Variants in ITIH5 observed in about 807,000 individuals in gnomAD.
ITIH5 encodes inter-alpha-trypsin inhibitor heavy chain 5, also known as inter-alpha-trypsin inhibitor heavy chain H5.
In ITIH5, 65 loss-of-function variants were observed where a neutral mutation model predicts 77.5. The ratio of observed to expected loss-of-function variants is 0.84; its 90% confidence interval spans 0.69 to 1.03. The LOEUF (loss-of-function observed/expected upper bound fraction) is 1.03. ITIH5 is among the 50% of genes least tolerant of loss of function. ITIH5 has a pLI of 0.00. For missense variants in ITIH5, 1,208 were observed against 1,213.1 expected, an observed-to-expected ratio of 1.00 and a Z score of 0.06; for synonymous variants, 525 against 494.3, an observed-to-expected ratio of 1.06 and a Z score of -0.82.
rs747038918 is a variant in ITIH5, at chr10:7,576,738, C to T, written c.1693G>A (p.Asp565Asn). 9.3e-6 allele frequency: 15 copies of T among 1,613,818 alleles called. No individual in the cohort carries two copies. In the East Asian group the frequency reaches 1.1e-4, roughly 12 times the overall value. ...ATGTGGTTGGTGTCCCCCTCTCCAT[C>T]GCCTCCAGGCCTGGGGCTTCCTGTG... Reference protein sequence around the residue: ...DVTGSPRPGGDGEGDTNHIER... With the variant: ...DVTGSPRPGGNGEGDTNHIER... Residue 565 changes from aspartate (D) to asparagine (N), a missense_variant, in exon 10 of 14, where the codon GAT (aspartate) becomes AAT (asparagine). Asp to Asn is a conservative substitution (Grantham distance 23). Coordinates refer to ENST00000397146, the MANE Select transcript of ITIH5 (RefSeq NM_030569.7).
intron 2 of ITIH5, among the ~76,000 whole-genome samples, chr10:7,652,979 A>C (rs752483037): frequency 9.2e-5 from 14 of 152,198 alleles, no homozygotes; most frequent in Non-Finnish European, 1.9e-4. Context: ...GTTATGGAGA[A>C]TGGTTTGAGC....
intron 5 of ITIH5, chr10:7,622,203 G>C (rs950901552): frequency 6.6e-6 from 1 of 152,292 alleles, no homozygotes. Flanking sequence ...GACTCCCAGG[G>C]GGCTCTCTTC....
At chr10:7,644,672 TCA>T (rs1833962911) in intron 2 of ITIH5, among the ~76,000 whole-genome samples, 43 of 138,606 alleles carry the variant, frequency 3.1e-4, no homozygotes, top group South Asian at 4.5e-4. Context: ...ATCATATATA[TCA>T]CATATATATC....
At position 7,573,127 on chromosome 10, in the gene ITIH5, C is replaced by T; in HGVS notation, c.2032+15G>A. 6.2e-7 allele frequency: 1 copy of T among 1,611,292 alleles called. No individual in the cohort carries two copies. The highest frequency in any genetic ancestry group is 8.5e-7 in the Non-Finnish European group (1 of 1,177,460). ...CTTACTCTCAATCCACACACAACCG[C>T]ATCCTTTGCTTTACCTGATGTTTTA... On this transcript the variant is annotated intron_variant, in intron 11 of 13. Coordinates refer to ENST00000397146, the MANE Select transcript of ITIH5 (RefSeq NM_030569.7).
intron 7 of ITIH5, chr10:7,609,377 CA>C (rs1437462835): frequency 2.2e-6 from 1 of 449,390 alleles, no homozygotes; most frequent in South Asian, 1.6e-5. Flanking sequence ...AATGATCAAA[CA>C]CAAGATGTTC....
At chr10:7,654,750 T>C (rs756638387) in intron 2 of ITIH5, among the ~76,000 whole-genome samples, 5 of 152,216 alleles carry the variant, frequency 3.3e-5, no homozygotes, top group Non-Finnish European at 7.3e-5. Context: ...ATCCATGAAA[T>C]GGTAACAAAC....
At chr10:7,603,402 C>T (rs1442617611) in intron 7 of ITIH5, among the ~76,000 whole-genome samples, 1 of 152,046 alleles carries the variant, frequency 6.6e-6, no homozygotes, top group East Asian at 1.9e-4. Context: ...AAGGGGTGAA[C>T]AAGCAATGAC....
At chr10:7,634,502 T>G (rs1408213833) in intron 5 of ITIH5, among the ~76,000 whole-genome samples, 1 of 152,180 alleles carries the variant, frequency 6.6e-6, no homozygotes, top group Non-Finnish European at 1.5e-5. Flanking sequence ...TACAAGGAGC[T>G]AAGAAAACAA....
rs1832025699 is a variant in ITIH5, at chr10:7,560,718, T to A, written c.*2365A>T. On this transcript the variant is annotated 3_prime_UTR_variant, in exon 14 of 14. Transcript: ENST00000397146. Reference sequence around the variant, plus strand: ...CAAGGAGATTTATCTCCTCTAATTATGACATATTTCTTCATCTCATTCAAT... The same window carrying A: ...CAAGGAGATTTATCTCCTCTAATTAAGACATATTTCTTCATCTCATTCAAT... The A allele has an allele frequency of 6.6e-6, 1 of 152,188 alleles. No homozygotes were observed. Among genetic ancestry groups the A allele is most frequent in the Non-Finnish European group, 1.5e-5 (1 of 68,032 alleles). The allele number at this position is 152,188 out of a possible 1,614,324, so 9.4% of individuals were successfully genotyped here.
intron 10 of ITIH5, among the ~76,000 whole-genome samples, chr10:7,574,789 T>C (rs1832373688): frequency 1.2e-5 from 1 of 80,354 alleles, no homozygotes; most frequent in Admixed American, 1.6e-4. Context: ...CGAGACTCCA[T>C]CTCGGAAAAA....
At chr10:7,607,158 C>A (rs143819456) in intron 7 of ITIH5, among the ~76,000 whole-genome samples, 9 of 152,358 alleles carry the variant, frequency 5.9e-5, no homozygotes, top group Non-Finnish European at 1.2e-4. Flanking sequence ...AACTCAAGGT[C>A]ATTTTGATGA....
At chr10:7,600,959 G>T (rs1184444252) in intron 7 of ITIH5, among the ~76,000 whole-genome samples, 2 of 152,168 alleles carry the variant, frequency 1.3e-5, no homozygotes, top group Non-Finnish European at 2.9e-5. Flanking sequence ...GTGAGAAATA[G>T]ATTTCGTTGT....
At position 7,559,802 on chromosome 10, in the gene ITIH5, T is replaced by C. The variant is rs759172763; in HGVS notation, c.*3281A>G. The C allele has an allele frequency of 3.3e-5, 15 of 455,526 alleles. No homozygotes were observed. Among genetic ancestry groups the C allele is most frequent in the South Asian group, 2.3e-4 (15 of 64,376 alleles). The allele number at this position is 455,526 out of a possible 1,614,324, so 28.2% of individuals were successfully genotyped here. A position where few individuals can be genotyped will look rare whatever the true frequency, so the allele number is the denominator to read the frequency against. ...TGCAGGTGGCCATCTTCTCATCGTA[T>C]CCCCAGGTGGTGGAGAGGAAAAACA... is the stretch of plus-strand genomic sequence containing the variant. On this transcript the variant is annotated 3_prime_UTR_variant, in exon 14 of 14. Coordinates refer to ENST00000397146, the MANE Select transcript of ITIH5 (RefSeq NM_030569.7).
At chr10:7,666,310 A>AAAGCG (rs1283938491) in intron 1 of ITIH5, among the ~76,000 whole-genome samples, 13 of 151,908 alleles carry the variant, frequency 8.6e-5, no homozygotes, top group Admixed American at 8.5e-4. Context: ...TTAAATGCTA[A>AAAGCG]ACCACCGGTA....
intron 5 of ITIH5, among the ~76,000 whole-genome samples, chr10:7,622,799 TA>T (rs1397323212): frequency 6.6e-6 from 1 of 152,230 alleles, no homozygotes; most frequent in Non-Finnish European, 1.5e-5. Flanking sequence ...ATTTTGCACG[TA>T]AGCGTAAATG....
Position 7,576,754 on chromosome 10 carries a change from G to A in ITIH5, c.1677C>T (p.Ser559=). The A allele has an allele frequency of 1.9e-6, 3 of 1,614,212 alleles. No individual in the cohort carries two copies. The highest frequency in any genetic ancestry group is 2.2e-5 in the East Asian group (1 of 44,886). ...PQKAGKDVTG[S]PRPGGDGEGD... ...CCTCTCCATCGCCTCCAGGCCTGGG[G>A]CTTCCTGTGACATCTTTCCCTGCCT... Residue 559 remains serine (S), a synonymous_variant, in exon 10 of 14, where the codon AGC becomes AGT. Coordinates refer to ENST00000397146, the MANE Select transcript of ITIH5 (RefSeq NM_030569.7).
chr10:7,623,617 C>T (rs1833509107), intron 5 of ITIH5, among the ~76,000 whole-genome samples: 1 of 151,892 alleles, frequency 6.6e-6, no homozygotes, highest in South Asian at 2.1e-4. Flanking sequence ...TCCTGGATAA[C>T]ACGGTGAAAC....
At chr10:7,582,065 A>AC (rs1554750097) in intron 8 of ITIH5, among the ~76,000 whole-genome samples, 1 of 150,482 alleles carries the variant, frequency 6.6e-6, no homozygotes, top group African/African-American at 2.5e-5. Context: ...TTTAGTAGAG[A>AC]CGGGTTTCAC....
chr10:7,634,636 C>G (rs1201577940), intron 5 of ITIH5, among the ~76,000 whole-genome samples: 1 of 152,106 alleles, frequency 6.6e-6, no homozygotes, highest in Admixed American at 6.5e-5. Context: ...ATTCATACTC[C>G]CTCCAAACAA....
Sources: allele counts gnomAD v4.1 joint callset (sites outside exome capture counted in the v4.1 genomes callset), GRCh38; gene constraint gnomAD v4.1.1; transcripts MANE v1.5; gene names NCBI Gene and HGNC (gene_info 2026-07-23, HGNC 2026-07-21).